The following GNAQ variants were observed in gnomAD, a reference collection of about 807,000 sequenced individuals.
GNAQ encodes guanine nucleotide-binding protein G(q) subunit alpha.
GNAQ carries 8 observed loss-of-function variants against 43.9 expected under a neutral mutation model. The ratio of observed to expected loss-of-function variants is 0.18; its 90% CI spans 0.11 to 0.33. The LOEUF is 0.33. GNAQ is among the 10% of genes least tolerant of loss of function. GNAQ has a pLI of 1.00. For missense variants in GNAQ, 158 were observed against 450.8 expected, an observed-to-expected ratio of 0.35 and a Z score of 5.88; for synonymous variants, 155 against 170.7, an observed-to-expected ratio of 0.91 and a Z score of 0.71.
intron 1 of GNAQ, among the ~76,000 whole-genome samples, chr9:77,949,662 T>C (rs1428728622): frequency 5.9e-5 from 9 of 152,146 alleles, no homozygotes; most frequent in Non-Finnish European, 1.2e-4. Context: ...GAAAGACCTA[T>C]TGCTCTGTCT....
chr9:77,749,911 ATATTT>A (rs1825785431), intron 5 of GNAQ, among the ~76,000 whole-genome samples: 3 of 152,158 alleles, frequency 2.0e-5, no homozygotes, highest in Non-Finnish European at 2.9e-5. Context: ...AATATTGTGT[ATATTT>A]TTTTCATACA....
chr9:77,865,859 A>C (rs896048414), intron 2 of GNAQ, among the ~76,000 whole-genome samples: 4 of 152,250 alleles, frequency 2.6e-5, no homozygotes, highest in Admixed American at 2.6e-4. Flanking sequence ...GATTATAATT[A>C]GTTGTAGCAA....
At chr9:77,866,332 C>T (rs1258172681) in intron 2 of GNAQ, among the ~76,000 whole-genome samples, 2 of 152,118 alleles carry the variant, frequency 1.3e-5, no homozygotes, top group Non-Finnish European at 2.9e-5. Context: ...CAAAAATTAG[C>T]TGGGTGTGGT....
chr9:77,815,604 A>G lies in GNAQ; in HGVS notation c.476+12T>C, dbSNP rs764644241. On this transcript the variant is annotated intron_variant, in intron 3 of 6. Coordinates refer to ENST00000286548, the MANE Select transcript of GNAQ (RefSeq NM_002072.5). ...GAGAAAAATCCATAGGGCCACCTGGAAAGATACTCACTATTTGGTAGAGTC... is the reference window on the plus strand; with the variant it reads ...GAGAAAAATCCATAGGGCCACCTGGGAAGATACTCACTATTTGGTAGAGTC... 3.2e-6 allele frequency: 5 copies of G among 1,578,586 alleles called. No individual in the cohort carries two copies. The highest frequency in any genetic ancestry group is 4.3e-6 in the Non-Finnish European group (5 of 1,154,502).
chr9:77,911,402 C>T (rs899899823), intron 2 of GNAQ, among the ~76,000 whole-genome samples: 14 of 152,170 alleles, frequency 9.2e-5, no homozygotes, highest in Non-Finnish European at 2.1e-4. Flanking sequence ...TGCACCTGTG[C>T]TTAATGCCCC....
chr9:77,743,438 T>C (rs574573069), intron 5 of GNAQ, among the ~76,000 whole-genome samples: 77 of 152,302 alleles, frequency 5.1e-4, no homozygotes, highest in African/African-American at 1.7e-3. Flanking sequence ...TACAAGTGTC[T>C]TGAAGAGTGG....
At chr9:77,973,300 CA>C (rs1823260641) in intron 1 of GNAQ, among the ~76,000 whole-genome samples, 1 of 152,202 alleles carries the variant, frequency 6.6e-6, no homozygotes, top group African/African-American at 2.4e-5. Flanking sequence ...CAAGGCTCCC[CA>C]GTCCTTGTCC....
intron 2 of GNAQ, among the ~76,000 whole-genome samples, chr9:77,920,269 TGGGCAAGGTCCTGTCTTAAAACA>T (rs1386614642): frequency 1.4e-4 from 21 of 152,332 alleles, no homozygotes; most frequent in Admixed American, 1.2e-3. Flanking sequence ...GATCTTCATA[TGGGCAAGGTCCTGTCTTAAAACA>T]GGGCAAGGTC....
chr9:77,948,282 T>G (rs1474090429), intron 1 of GNAQ, among the ~76,000 whole-genome samples: 5 of 152,204 alleles, frequency 3.3e-5, no homozygotes, highest in Non-Finnish European at 7.3e-5. Context: ...AAAACTATAG[T>G]CATTTTAAAC....
At chr9:77,779,476 AT>A (rs1373195148) in intron 5 of GNAQ, among the ~76,000 whole-genome samples, 1 of 151,832 alleles carries the variant, frequency 6.6e-6, no homozygotes, top group African/African-American at 2.4e-5. Context: ...TAAAATCGAT[AT>A]CTAAATTTCC....
chr9:77,867,358 T>C (rs1178104774), intron 2 of GNAQ, among the ~76,000 whole-genome samples: 1 of 152,216 alleles, frequency 6.6e-6, no homozygotes, highest in Non-Finnish European at 1.5e-5. Flanking sequence ...TTCTAAACTG[T>C]AATACTTCCA....
chr9:77,943,358 G>A (rs1244232995), intron 1 of GNAQ, among the ~76,000 whole-genome samples: 4 of 152,204 alleles, frequency 2.6e-5, no homozygotes, highest in African/African-American at 9.6e-5. Flanking sequence ...TTGAGAAAAG[G>A]AAAAATATGT....
intron 2 of GNAQ, among the ~76,000 whole-genome samples, chr9:77,847,183 C>A (rs1276755210): frequency 6.6e-6 from 1 of 152,170 alleles, no homozygotes; most frequent in Non-Finnish European, 1.5e-5. Flanking sequence ...TGTCTAGAAA[C>A]ATCTCTCGCT....
At chr9:78,030,482 T>C (rs1824037447) in intron 1 of GNAQ, 1 of 470,538 alleles carries the variant, frequency 2.1e-6, no homozygotes, top group Non-Finnish European at 4.4e-6. Context: ...CACAGACCCT[T>C]TCCTTGGAGG....
intron 2 of GNAQ, among the ~76,000 whole-genome samples, chr9:77,822,441 G>C (rs1827132057): frequency 6.6e-6 from 1 of 151,964 alleles, no homozygotes; most frequent in African/African-American, 2.4e-5. Context: ...CTCAGAAAAA[G>C]CCTAATCATT....
intron 5 of GNAQ, among the ~76,000 whole-genome samples, chr9:77,786,018 G>C (rs563568732): frequency 3.3e-5 from 5 of 152,058 alleles, no homozygotes; most frequent in African/African-American, 1.2e-4. Context: ...AGAAAGACTC[G>C]TGCATATAAT....
intron 1 of GNAQ, 113 bp from the exon 2 acceptor site, chr9:77,922,458 G>C: frequency 5.8e-6 from 4 of 691,648 alleles, no homozygotes; most frequent in Non-Finnish European, 2.5e-6. Context: ...CTGCTGAGAG[G>C]AGCGACTCTA....
At position 77,889,410 on chromosome 9, in the gene GNAQ, C is replaced by CA. The variant is rs58496646; in HGVS notation, c.321+32750dup. On this transcript the variant is annotated intron_variant, in intron 2 of 6. Coordinates refer to ENST00000286548, the MANE Select transcript of GNAQ (RefSeq NM_002072.5). Reference sequence around the variant, plus strand: ...TGGGCGACAAAGCCAGACCCTGTCTCAAAAAAAAAAAAAAAAAAAAAAAAA... The same window carrying CA: ...TGGGCGACAAAGCCAGACCCTGTCTCAAAAAAAAAAAAAAAAAAAAAAAAAA... Among the ~76,000 whole-genome samples, 302 of 48,066 alleles carry CA rather than the reference C, an allele frequency of 6.3e-3. 43 individuals are homozygous for CA. The highest frequency in any genetic ancestry group is 0.05 in the Middle Eastern group (3 of 60). The allele number at this position is 48,066 out of a possible 152,430, so 31.5% of individuals were successfully genotyped here.
chr9:77,885,490 G>A (rs1461449789), intron 2 of GNAQ, among the ~76,000 whole-genome samples: 1 of 152,116 alleles, frequency 6.6e-6, no homozygotes, highest in Non-Finnish European at 1.5e-5. Context: ...ACAACTCTCT[G>A]AGAGTTAACT....
Sources: allele counts gnomAD v4.1 joint callset (sites outside exome capture counted in the v4.1 genomes callset), GRCh38; gene constraint gnomAD v4.1.1; transcripts MANE v1.5; gene names NCBI Gene and HGNC (gene_info 2026-07-23, HGNC 2026-07-21).